The following TRHDE variants were observed in gnomAD, a reference collection of about 807,000 sequenced individuals.
TRHDE encodes the protein thyrotropin-releasing hormone-degrading ectoenzyme.
In TRHDE, 72 loss-of-function variants were observed where a neutral mutation model predicts 125.7. The observed-to-expected ratio is 0.57, with a 90% CI of 0.47 to 0.70. TRHDE has a LOEUF of 0.70. TRHDE is among the 30% of genes least tolerant of loss of function. TRHDE has a pLI of 0.00. For synonymous variants in TRHDE, 509 were observed against 509.1 expected (o/e 1.00, Z 0.00); for missense variants, 1,110 against 1,327.1 (o/e 0.84, Z 2.54).
chr12:72,656,889 G>T, intron 17 of TRHDE, 38 bp from the exon 18 acceptor site: 2 of 1,322,974 alleles, frequency 1.5e-6, no homozygotes, highest in South Asian at 2.5e-5. Flanking sequence ...TTAAAATTAT[G>T]ACCTGCATTG....
At chr12:72,462,288 TG>T (rs1876159355) in intron 3 of TRHDE, among the ~76,000 whole-genome samples, 2 of 152,128 alleles carry the variant, frequency 1.3e-5, no homozygotes, top group Admixed American at 6.5e-5. Context: ...GGTTTTGGAT[TG>T]GAAGAATCAA....
intron 12 of TRHDE, among the ~76,000 whole-genome samples, chr12:72,607,684 C>G (rs1173424217): frequency 6.6e-6 from 1 of 152,100 alleles, no homozygotes; most frequent in Non-Finnish European, 1.5e-5. Flanking sequence ...GGTTTCAAGT[C>G]ATAGCAGTTT....
intron 3 of TRHDE, among the ~76,000 whole-genome samples, chr12:72,447,607 T>TA (rs886792258): frequency 6.6e-6 from 1 of 152,052 alleles, no homozygotes; most frequent in Non-Finnish European, 1.5e-5. Flanking sequence ...GTGACTCTGA[T>TA]ACACACTCAT....
At chr12:72,653,646 T>A (rs1304783514) in intron 17 of TRHDE, among the ~76,000 whole-genome samples, 1 of 152,116 alleles carries the variant, frequency 6.6e-6, no homozygotes, top group Non-Finnish European at 1.5e-5. Context: ...TAATTCCAGT[T>A]GCAGTAAAAT....
Position 72,575,468 on chromosome 12 carries a change from T to TG in TRHDE, c.2266-19_2266-18insG. The stretch of plus-strand genomic sequence containing the variant: ...TTTTAATCCTAAATTATCCTATTAT[T>TG]TTTTCTAATTGGCCTCAGGTTCTTT... On this transcript the variant is annotated intron_variant, in intron 11 of 18. Coordinates refer to ENST00000261180, the MANE Select transcript of TRHDE (RefSeq NM_013381.3). 6.2e-7 allele frequency: 1 copy of TG among 1,613,564 alleles called. No individual in the cohort carries two copies. Among genetic ancestry groups the TG allele is most frequent in the South Asian group, 1.1e-5 (1 of 91,066 alleles).
At chr12:72,488,750 A>C (rs1171854638) in intron 5 of TRHDE, among the ~76,000 whole-genome samples, 1 of 151,944 alleles carries the variant, frequency 6.6e-6, no homozygotes, top group African/African-American at 2.4e-5. Context: ...ACCATATGTA[A>C]GGCCACAAAA....
intron 2 of TRHDE, among the ~76,000 whole-genome samples, chr12:72,155,583 T>C (rs1373984037): frequency 1.3e-5 from 2 of 152,214 alleles, no homozygotes; most frequent in Non-Finnish European, 2.9e-5. Context: ...GTGGATGTCC[T>C]TTCTGTTTGT....
rs556916572 is a variant in TRHDE, at chr12:72,273,017, C to A, written c.374C>A (p.Pro125His). The change falls in exon 1 of 19, where the codon CCC becomes CAC. Residue 125 changes from proline to histidine, a missense_variant. Physicochemically the swap from Pro to His is moderately conservative, Grantham distance 77 (BLOSUM62 -2). Transcript: ENST00000261180. The surrounding 1 kb of genome is among the most constrained non-coding windows in gnomAD (Gnocchi z 5.3). ...GCCACGCCAGGCGCCGACGGTGGCC[C>A]CTCAGGCTTTCCGGAGCGCGGCGGC... ...ASATPGADGG[P>H]SGFPERGGNG... The A allele has an allele frequency of 1.3e-6, 2 of 1,541,280 alleles. No individual in the cohort carries two copies. Among genetic ancestry groups the A allele is most frequent in the African/African-American group, 1.4e-5 (1 of 73,408 alleles).
intron 12 of TRHDE, among the ~76,000 whole-genome samples, chr12:72,612,280 C>G (rs371061951): frequency 1.3e-5 from 2 of 152,260 alleles, no homozygotes; most frequent in Admixed American, 6.5e-5. Context: ...TAAACCACTC[C>G]CTTCTAATTC....
chr12:72,358,607 G>A (rs1361983174), intron 2 of TRHDE, among the ~76,000 whole-genome samples: 2 of 151,314 alleles, frequency 1.3e-5, no homozygotes, highest in Non-Finnish European at 3.0e-5. Flanking sequence ...CCCGCACATT[G>A]TTCAAGGATC....
chr12:72,633,346 T>C (rs1004600015), intron 15 of TRHDE, among the ~76,000 whole-genome samples: 1 of 152,092 alleles, frequency 6.6e-6, no homozygotes, highest in African/African-American at 2.4e-5. Flanking sequence ...CTGAATATCA[T>C]TTTAGAACAT....
chr12:72,358,549 T>A (rs549536479), intron 2 of TRHDE, among the ~76,000 whole-genome samples: 11 of 151,580 alleles, frequency 7.3e-5, no homozygotes, highest in Admixed American at 3.3e-4. Flanking sequence ...TTTGGGGTAG[T>A]TAAAAGTTCT....
At chr12:72,513,064 A>C (rs1365898669) in intron 6 of TRHDE, among the ~76,000 whole-genome samples, 1 of 152,174 alleles carries the variant, frequency 6.6e-6, no homozygotes, top group Middle Eastern at 3.2e-3. Context: ...AAATATAAAC[A>C]TCTTCAAAAG....
intron 2 of TRHDE, among the ~76,000 whole-genome samples, chr12:72,136,676 C>T (rs1329522802): frequency 8.5e-5 from 13 of 152,244 alleles, no homozygotes; most frequent in African/African-American, 2.9e-4. Context: ...GGAACATCTA[C>T]ATCCCACGGA....
chr12:72,643,646 T>A (rs890370634), intron 15 of TRHDE, among the ~76,000 whole-genome samples: 7 of 152,222 alleles, frequency 4.6e-5, no homozygotes, highest in African/African-American at 1.7e-4. Context: ...TATTGCTGAA[T>A]GTCCTTTCAG....
At chr12:72,392,613 C>G (rs1872650917) in intron 3 of TRHDE, among the ~76,000 whole-genome samples, 1 of 152,172 alleles carries the variant, frequency 6.6e-6, no homozygotes, top group Non-Finnish European at 1.5e-5. Flanking sequence ...ACTCTGCCAG[C>G]AGCCATAGAC....
At chr12:72,298,203 C>A (rs1880376461) in intron 2 of TRHDE, among the ~76,000 whole-genome samples, 1 of 152,168 alleles carries the variant, frequency 6.6e-6, no homozygotes, top group Non-Finnish European at 1.5e-5. Context: ...GTCAGTGTAT[C>A]CATGATTACA....
intron 15 of TRHDE, among the ~76,000 whole-genome samples, chr12:72,652,065 T>TTTTG (rs1321090769): frequency 6.6e-6 from 1 of 151,982 alleles, no homozygotes; most frequent in African/African-American, 2.4e-5. Flanking sequence ...ATGTTACTAT[T>TTTTG]TTTGTTTAAG....
intron 2 of TRHDE, among the ~76,000 whole-genome samples, chr12:72,236,284 G>A (rs940918043): frequency 1.3e-5 from 2 of 152,172 alleles, no homozygotes; most frequent in Non-Finnish European, 2.9e-5. Context: ...AATTAAAGAT[G>A]TTATTCATGT....
Sources: allele counts gnomAD v4.1 joint callset (sites outside exome capture counted in the v4.1 genomes callset), GRCh38; gene constraint gnomAD v4.1.1; non-coding constraint Gnocchi (gnomAD v3.1); transcripts MANE v1.5; gene names NCBI Gene and HGNC (gene_info 2026-07-23, HGNC 2026-07-21).